Variants in CCNJ observed in about 807,000 individuals in gnomAD.
The protein encoded by CCNJ is cyclin-J.
A neutral mutation model predicts 41.4 loss-of-function variants in CCNJ; 12 were observed. That is an observed-to-expected ratio of 0.29 (90% CI 0.19 to 0.47). The LOEUF is 0.47. CCNJ is among the 20% of genes least tolerant of loss of function. The pLI is 1.00. For missense variants in CCNJ, 340 were observed against 464.6 expected (o/e 0.73, Z 2.47); for synonymous variants, 161 against 173.4 (o/e 0.93, Z 0.56).
At chr10:96,044,177 C>CA (rs2142019045) in intron 1 of CCNJ, among the ~76,000 whole-genome samples, 176 bp from the exon 2 acceptor site, 1 of 152,338 alleles carries the variant, frequency 6.6e-6, no homozygotes, top group South Asian at 2.1e-4. Context: ...CCTGCGGGGG[C>CA]AGACCCGGCT....
intron 3 of CCNJ, among the ~76,000 whole-genome samples, chr10:96,054,366 A>C (rs558323082): frequency 6.6e-6 from 1 of 152,324 alleles, no homozygotes; most frequent in East Asian, 1.9e-4. Flanking sequence ...GCAGGTACTC[A>C]ATTGACATTA....
At position 96,058,072 on chromosome 10, in the gene CCNJ, G is replaced by A; in HGVS notation, c.983G>A (p.Cys328Tyr). Residue 328 changes from cysteine (C) to tyrosine (Y), a missense_variant, in exon 6 of 6, where the codon TGT becomes TAT. Physicochemically the swap from Cys to Tyr is radical, Grantham distance 194. This residue lies in a region of CCNJ where 159 missense variants were observed against 168.2 expected (regional missense o/e 0.95). Coordinates refer to ENST00000465148, the MANE Select transcript of CCNJ (RefSeq NM_001134375.2). ...THTSSYTLQT[C>Y]PAGFQTSVQG... ...ACCTCATCTTACACACTACAGACAT[G>A]TCCTGCTGGCTTCCAAACTAGTGTT... The A allele has an allele frequency of 6.2e-7, 1 of 1,614,150 alleles. No homozygotes were observed. Among genetic ancestry groups the A allele is most frequent in the Non-Finnish European group, 8.5e-7 (1 of 1,180,042 alleles).
At position 96,058,836 on chromosome 10, in the gene CCNJ, C is replaced by T. The variant is rs1205202957; in HGVS notation, c.*595C>T. ...TTCGTCTCACAAATAGTGTAGGTAT[C>T]TGGGTTTATATACTAAAATTAAGGG... On this transcript the variant is annotated 3_prime_UTR_variant, in exon 6 of 6. Transcript: ENST00000465148. 4 of 216,112 alleles carry T rather than the reference C, an allele frequency of 1.9e-5. No individual in the cohort carries two copies. The highest frequency in any genetic ancestry group is 1.6e-3 in the Middle Eastern group (1 of 636). The allele number at this position is 216,112 out of a possible 1,614,324, so 13.4% of individuals were successfully genotyped here.
chr10:96,046,186 T>TG (rs1206724467), intron 2 of CCNJ, among the ~76,000 whole-genome samples: 8 of 152,216 alleles, frequency 5.3e-5, no homozygotes, highest in Non-Finnish European at 1.0e-4. Flanking sequence ...AAGTTGCTTA[T>TG]GAACTATCAG....
At chr10:96,056,565 T>C (rs1318805307) in intron 3 of CCNJ, 136 bp from the exon 4 acceptor site, 3 of 648,468 alleles carry the variant, frequency 4.6e-6, no homozygotes, top group East Asian at 2.7e-5. Context: ...TCTGGCACAA[T>C]TGTATCTGTG....
chr10:96,057,035 C>T (rs369388644), intron 4 of CCNJ, 35 bp downstream of exon 4: 2 of 1,612,292 alleles, frequency 1.2e-6, no homozygotes, highest in South Asian at 1.1e-5. Context: ...GTGACTTGTG[C>T]ACTTGTGACT....
Position 96,056,973 on chromosome 10 carries a change from G to A in CCNJ, c.553G>A (p.Asp185Asn). Residue 185 changes from aspartate to asparagine, a missense_variant, in exon 4 of 6, where the codon GAT (aspartate) becomes AAT (asparagine). Asp to Asn is a conservative substitution (Grantham distance 23). This residue lies in a region of CCNJ where 137 missense variants were observed against 252.9 expected (regional missense o/e 0.54). Transcript: ENST00000465148. ...KTKLYMAKYADYFLEVSLQDY... is the reference protein window; with the variant it reads ...KTKLYMAKYANYFLEVSLQDY... ...TAAACTCTACATGGCCAAATATGCA[G>A]ATTACTTCCTGGAAGTATCTTTGCA... The A allele has an allele frequency of 6.2e-7, 1 of 1,613,962 alleles. No individual in the cohort carries two copies. Among genetic ancestry groups the A allele is most frequent in the South Asian group, 1.1e-5 (1 of 91,066 alleles).
chr10:96,044,306 G>T (rs1195537224), intron 1 of CCNJ, 47 bp from the exon 2 acceptor site: 1 of 1,102,462 alleles, frequency 9.1e-7, no homozygotes, highest in South Asian at 2.6e-5. Flanking sequence ...GGGCGCAGAG[G>T]GTCGCGGGGG....
Position 96,050,104 on chromosome 10 carries a change from C to G in CCNJ, c.70-152C>G, listed in dbSNP as rs1432856616. 4 of 635,884 alleles carry G rather than the reference C, an allele frequency of 6.3e-6. No individual in the cohort carries two copies. In the East Asian group the frequency reaches 8.2e-5, roughly 13 times the overall value. 39.4% of individuals were successfully genotyped at this position (635,884 alleles called of 1,614,324 possible). A position where few individuals can be genotyped will look rare whatever the true frequency, so the allele number is the denominator to read the frequency against. ...GTTTTAAATGTCATTCATTATCCCTCCACTTAACTTTTTCATTTTTGTATT... is the reference window on the plus strand; with the variant it reads ...GTTTTAAATGTCATTCATTATCCCTGCACTTAACTTTTTCATTTTTGTATT... On this transcript the variant is annotated intron_variant, in intron 2 of 5. Coordinates refer to ENST00000465148, the MANE Select transcript of CCNJ (RefSeq NM_001134375.2).
chr10:96,054,998 T>C (rs1020639739), intron 3 of CCNJ, among the ~76,000 whole-genome samples: 3 of 152,240 alleles, frequency 2.0e-5, no homozygotes, highest in African/African-American at 7.2e-5. Context: ...TCATTCTCCT[T>C]CTGAAGAATT....
intron 1 of CCNJ, 70 bp from the exon 2 acceptor site, chr10:96,044,282 AC>A (rs147692285): frequency 0.035 from 28,459 of 806,592 alleles, 1,055 homozygotes; most frequent in African/African-American, 0.16. Context: ...CTGAGGTCAC[AC>A]CCCCCGGGGA....
chr10:96,047,499 G>A (rs756299549), intron 2 of CCNJ, among the ~76,000 whole-genome samples: 34 of 152,098 alleles, frequency 2.2e-4, no homozygotes, highest in Non-Finnish European at 4.0e-4. Flanking sequence ...CTAACTGGGC[G>A]TGGCAGTGAG....
chr10:96,049,378 C>G (rs1366191603), intron 2 of CCNJ, among the ~76,000 whole-genome samples: 2 of 151,872 alleles, frequency 1.3e-5, no homozygotes, highest in Admixed American at 1.3e-4. Context: ...TAAATACTTT[C>G]ATCCATTCTG....
At chr10:96,050,667 T>A (rs1275744277) in intron 3 of CCNJ, among the ~76,000 whole-genome samples, 2 of 152,214 alleles carry the variant, frequency 1.3e-5, no homozygotes, top group Non-Finnish European at 2.9e-5. Context: ...GTTAAAAACA[T>A]GTGCCTAAGC....
intron 3 of CCNJ, among the ~76,000 whole-genome samples, chr10:96,051,390 T>C (rs1037821059): frequency 6.6e-5 from 10 of 152,242 alleles, no homozygotes; most frequent in African/African-American, 2.2e-4. Context: ...ATCAGTAATA[T>C]AGTTTCTATA....
At chr10:96,052,415 A>G (rs1416602957) in intron 3 of CCNJ, among the ~76,000 whole-genome samples, 1 of 152,204 alleles carries the variant, frequency 6.6e-6, no homozygotes, top group Non-Finnish European at 1.5e-5. Flanking sequence ...GGTATCATTA[A>G]TGGAAAGTAA....
At chr10:96,053,788 T>C (rs575715049) in intron 3 of CCNJ, among the ~76,000 whole-genome samples, 1 of 152,294 alleles carries the variant, frequency 6.6e-6, no homozygotes, top group Non-Finnish European at 1.5e-5. Context: ...TGTGTGAAAA[T>C]TTATATCTCA....
chr10:96,044,840 T>C (rs1301390717), intron 2 of CCNJ, among the ~76,000 whole-genome samples: 2 of 152,242 alleles, frequency 1.3e-5, no homozygotes, highest in African/African-American at 2.4e-5. Flanking sequence ...CTTTTGTACA[T>C]AAATTCCTCA....
At chr10:96,057,796 A>G in intron 5 of CCNJ, 34 bp from the exon 6 acceptor site, 1 of 1,587,322 alleles carries the variant, frequency 6.3e-7, no homozygotes, top group Non-Finnish European at 8.6e-7. Context: ...CTCAAGCAGT[A>G]TTTTTAATAG....
Sources: gnomAD v4.1 joint callset for allele counts (sites outside exome capture counted in the v4.1 genomes callset) on GRCh38, gnomAD v4.1.1 for gene constraint, gnomAD v4.1.1 regional missense constraint, MANE v1.5 for transcripts, NCBI Gene and HGNC (gene_info 2026-07-23, HGNC 2026-07-21) for gene names.